RNF213: variants seen among roughly 807,000 people sequenced by gnomAD.
RNF213 encodes the protein E3 ubiquitin-protein ligase RNF213.
RNF213 carries 341 observed loss-of-function variants against 514.4 expected under a neutral mutation model. The observed-to-expected ratio is 0.66, with a 90% CI of 0.61 to 0.73. The LOEUF (loss-of-function observed/expected upper bound fraction) is 0.73, where lower values mean the gene tolerates loss of function less well. Among genes scored for constraint, RNF213 ranks in the 30% least tolerant of loss-of-function variants. The pLI, the probability that RNF213 is intolerant of heterozygous loss-of-function variation, is 0.00. For missense variants in RNF213, 5,767 were observed against 6,615.6 expected, an observed-to-expected ratio of 0.87 and a Z score of 4.45; for synonymous variants, 2,655 against 2,658.2, an observed-to-expected ratio of 1.00 and a Z score of 0.04.
Position 80,346,545 on chromosome 17 carries a change from C to T in RNF213, c.8210C>T (p.Pro2737Leu), listed in dbSNP as rs1473027345. 6.2e-7 allele frequency: 1 copy of T among 1,613,434 alleles called. No individual in the cohort carries two copies. Among genetic ancestry groups the T allele is most frequent in the Non-Finnish European group, 8.5e-7 (1 of 1,180,046 alleles). The change falls in exon 29 of 68, where the codon CCT (proline) becomes CTT (leucine). Residue 2737 changes from proline (P) to leucine (L), a missense_variant. Physicochemically the swap from Pro to Leu is moderately conservative, Grantham distance 98. This residue lies in a region of RNF213 where 1,377 missense variants were observed against 1,635.2 expected (regional missense o/e 0.84). Coordinates refer to ENST00000582970, the MANE Select transcript of RNF213 (RefSeq NM_001256071.3). The surrounding 1 kb of genome is among the most constrained non-coding windows in gnomAD (Gnocchi z 8.1). ...RAQDLFLDGVPLRKTIAKNLA... is the reference protein window; with the variant it reads ...RAQDLFLDGVLLRKTIAKNLA... ...CAGGATCTTTTTCTGGACGGCGTACCTCTGAGGAAAACCATCGCCAAGAAC... is the reference window on the plus strand; with the variant it reads ...CAGGATCTTTTTCTGGACGGCGTACTTCTGAGGAAAACCATCGCCAAGAAC...
In RNF213 at chr17:80,351,561, G is replaced by A. The variant is rs754282946; in HGVS notation, c.10185-124G>A. The A allele has an allele frequency of 3.8e-4, 244 of 649,400 alleles. 1 individual carries two copies. Among genetic ancestry groups the A allele is most frequent in the Middle Eastern group, 4.1e-4 (1 of 2,442 alleles). The allele number at this position is 649,400 out of a possible 1,614,324, so 40.2% of individuals were successfully genotyped here. A position where few individuals can be genotyped will look rare whatever the true frequency, so the allele number is the denominator to read the frequency against. On this transcript the variant is annotated intron_variant, in intron 31 of 67. Transcript: ENST00000582970. ...AAAACTCATCGGAACGGGTGGCCGT[G>A]AGACCGAACCAACAGCTCGGAGAAC...
rs752778643 is a variant in RNF213, at chr17:80,390,035, A to G, written c.15309A>G (p.Ser5103=). The change falls in exon 67 of 68, where the codon TCA becomes TCG. Residue 5103 remains serine (S), a synonymous_variant. Coordinates refer to ENST00000582970, the MANE Select transcript of RNF213 (RefSeq NM_001256071.3). ...LHKEPFGEIS[S]RYKADLSPEN... is the part of the protein sequence containing the mutation. ...AGGAGCCATTTGGGGAAATCAGTTC[A>G]AGGTACAAAGCGGATCTGAGCCCGG... 10 of 1,614,214 alleles carry G rather than the reference A, an allele frequency of 6.2e-6. No individual in the cohort carries two copies. Among genetic ancestry groups the G allele is most frequent in the Middle Eastern group, 1.6e-4 (1 of 6,062 alleles).
At chr17:80,392,844 C>A (rs756981914) in intron 67 of RNF213, among the ~76,000 whole-genome samples, 1 of 152,276 alleles carries the variant, frequency 6.6e-6, no homozygotes, top group Non-Finnish European at 1.5e-5. Context: ...CCTGCCTCAG[C>A]CTCCCAAAGT....
chr17:80,363,533 C>G, intron 40 of RNF213, 76 bp from the exon 41 acceptor site: 6 of 1,513,112 alleles, frequency 4.0e-6, no homozygotes, highest in Non-Finnish European at 5.5e-6. Flanking sequence ...AGTATACATG[C>G]AGCTAACAGC....
intron 21 of RNF213, 21 bp downstream of exon 21, chr17:80,332,652 T>C (rs1440910097): frequency 1.4e-6 from 2 of 1,465,130 alleles, no homozygotes; most frequent in Admixed American, 2.4e-5. Context: ...TGCTGGGGAC[T>C]GTGGGGGTTT....
In RNF213 at chr17:80,343,408, A is replaced by T; in HGVS notation, c.6183+83A>T. The T allele has an allele frequency of 8.1e-7, 1 of 1,228,586 alleles. No homozygotes were observed. 76.1% of individuals were successfully genotyped at this position (1,228,586 alleles called of 1,614,324 possible). On this transcript the variant is annotated intron_variant, in intron 27 of 67. Transcript: ENST00000582970. The surrounding 1 kb of genome is among the most constrained non-coding windows in gnomAD (Gnocchi z 4.3). ...CTCTGCGTGACTCCTCCCCGTGTAT[A>T]GAATTCCTTGTTTCCACACGCACAG... is the stretch of plus-strand genomic sequence containing the variant.
rs1404926587 is a variant in RNF213, at chr17:80,288,303, C to A, written c.750C>A (p.Ser250Arg). 6.2e-7 allele frequency: 1 copy of A among 1,613,124 alleles called. No individual in the cohort carries two copies. Among genetic ancestry groups the A allele is most frequent in the Admixed American group, 1.7e-5 (1 of 60,026 alleles). The change falls in exon 4 of 68, where the codon AGC (serine) becomes AGA (arginine). Residue 250 changes from serine to arginine, a missense_variant. Ser to Arg is a moderately radical substitution (Grantham distance 110). Transcript: ENST00000582970. The surrounding 1 kb of genome is among the most constrained non-coding windows in gnomAD (Gnocchi z 4.9). ...ELLLPESKGG[S>R]SEPGTELQTT... ...TGTTGCCTGAGTCAAAAGGAGGCAG[C>A]TCTGAGCCCGGGACAGAACTGCAGA...
intron 49 of RNF213, 129 bp from the exon 50 acceptor site, chr17:80,374,329 G>C (rs761705373): frequency 5.2e-5 from 64 of 1,232,806 alleles, no homozygotes; most frequent in Non-Finnish European, 7.4e-5. Flanking sequence ...CTCAGGCCAG[G>C]TCAGGGAATC....
chr17:80,271,504 G>T (rs972123928), intron 2 of RNF213, among the ~76,000 whole-genome samples: 1 of 152,182 alleles, frequency 6.6e-6, no homozygotes, highest in Non-Finnish European at 1.5e-5. Context: ...CTTGGAGAAG[G>T]GTCTGTGGGG....
intron 16 of RNF213, 73 bp from the exon 17 acceptor site, chr17:80,319,117 G>C: frequency 6.2e-7 from 1 of 1,613,070 alleles, no homozygotes; most frequent in African/African-American, 1.3e-5. Flanking sequence ...AATGATGAAA[G>C]AATTTTCATC....
intron 3 of RNF213, among the ~76,000 whole-genome samples, chr17:80,274,927 G>GGT: frequency 1.7e-5 from 1 of 59,362 alleles, no homozygotes; most frequent in Non-Finnish European, 3.9e-5. Context: ...GTGTGAGTGG[G>GGT]GTGTGTGTGT....
In RNF213 at chr17:80,332,302, G is replaced by C. The variant is rs9913636; in HGVS notation, c.3814G>C (p.Glu1272Gln). 691,080 of 1,537,004 alleles carry C rather than the reference G, an allele frequency of 0.45. 159,420 individuals carry two copies. The highest frequency in any genetic ancestry group is 0.47 in the Non-Finnish European group (538,373 of 1,146,832). The part of the protein sequence containing the change: ...EESERHILEL[E>Q]EVYDYLYQPS... Reference sequence around the variant, plus strand: ...ATCAGAAAGGCACATCCTTGAGCTTGAAGAGGTGTATGACTATTTGTATCA... The same window carrying C: ...ATCAGAAAGGCACATCCTTGAGCTTCAAGAGGTGTATGACTATTTGTATCA... Residue 1272 changes from glutamate (E) to glutamine (Q), a missense_variant, in exon 21 of 68, where the codon GAA becomes CAA. Coordinates refer to ENST00000582970, the MANE Select transcript of RNF213 (RefSeq NM_001256071.3).
In RNF213 at chr17:80,372,680, C is replaced by T. The variant is rs777337727; in HGVS notation, c.12697C>T (p.Arg4233Cys). 8 of 1,614,024 alleles carry T rather than the reference C, an allele frequency of 5.0e-6. No individual in the cohort carries two copies. The highest frequency in any genetic ancestry group is 6.8e-6 in the Non-Finnish European group (8 of 1,180,034). ...ATACCTGCAAGAGGTGGCCCGGATC[C>T]GCCTCTGCCTCGACAGAGCTGCAGA... is the stretch of plus-strand genomic sequence containing the variant. Reference protein sequence around the residue: ...VEYLQEVARIRLCLDRAADFL... With the variant: ...VEYLQEVARICLCLDRAADFL... Residue 4233 changes from arginine to cysteine, a missense_variant, in exon 48 of 68, where the codon CGC (arginine) becomes TGC (cysteine). Around this residue, in one of 13 missense-constraint regions of RNF213, gnomAD observed 1,245 missense variants for 1,339.0 expected, o/e 0.93. Transcript: ENST00000582970.
intron 60 of RNF213, 78 bp downstream of exon 60, chr17:80,385,249 TG>T: frequency 6.3e-7 from 1 of 1,576,346 alleles, no homozygotes. Context: ...GGGAACAGGG[TG>T]GGGCGGAGGG....
intron 3 of RNF213, among the ~76,000 whole-genome samples, chr17:80,275,533 C>T (rs937481284): frequency 3.3e-5 from 5 of 152,010 alleles, no homozygotes; most frequent in East Asian, 1.9e-4. Flanking sequence ...CACAAATGCT[C>T]GAGCAGGACG....
chr17:80,323,436 G>T (rs983607461), intron 17 of RNF213, among the ~76,000 whole-genome samples: 1 of 152,152 alleles, frequency 6.6e-6, no homozygotes, highest in African/African-American at 2.4e-5. Flanking sequence ...GAAGTCAGCT[G>T]GGATTCTGGT....
rs928436062 is a variant in RNF213, at chr17:80,353,853, G to A, written c.10579-166G>A. On this transcript the variant is annotated intron_variant, in intron 34 of 67. Coordinates refer to ENST00000582970, the MANE Select transcript of RNF213 (RefSeq NM_001256071.3). This position sits in a 1 kb window ranked among gnomAD's most constrained non-coding sequence, Gnocchi z 5.0. ...ACTGGGGGTCAAGGGCATCTGCACC[G>A]GCAGTTTGGGGGGTGCAGGGCGGAG... 70 of 1,174,730 alleles carry A rather than the reference G, an allele frequency of 6.0e-5. No homozygotes were observed. The Middle Eastern group carries it at 1.1e-3, about 19-fold the overall frequency. The allele number at this position is 1,174,730 out of a possible 1,614,324, so 72.8% of individuals were successfully genotyped here. A position where few individuals can be genotyped will look rare whatever the true frequency, so the allele number is the denominator to read the frequency against.
chr17:80,363,757 G>A lies in RNF213; in HGVS notation c.11717G>A (p.Gly3906Glu), dbSNP rs369088075. ...ICSDEHMQGS[G>E]SLAQAVIREV... ...TCCGATGAGCACATGCAAGGCAGCG[G>A]GAGCCTGGCCCAGGCTGTCATCAGG... Residue 3906 changes from glycine to glutamate, a missense_variant, in exon 41 of 68, where the codon GGG becomes GAG. Gly to Glu is a moderately conservative substitution (Grantham distance 98). Around this residue, in one of 13 missense-constraint regions of RNF213, gnomAD observed 355 missense variants for 358.0 expected, o/e 0.99. Transcript: ENST00000582970. 28 of 1,613,546 alleles carry A rather than the reference G, an allele frequency of 1.7e-5. No homozygotes were observed. Among genetic ancestry groups the A allele is most frequent in the Non-Finnish European group, 2.4e-5 (28 of 1,180,006 alleles).
Position 80,380,937 on chromosome 17 carries a change from C to A in RNF213, c.13747C>A (p.Arg4583=). Residue 4583 remains arginine, a synonymous_variant, in exon 56 of 68, where the codon CGG becomes AGG. Coordinates refer to ENST00000582970, the MANE Select transcript of RNF213 (RefSeq NM_001256071.3). ...GCCCCCAGTGGTCTTCCTCCTTATC[C>A]GGCTACTCACTCACTTGGCTCTGCT... ...GLPPVVFLLI[R]LLTHLALLLG... is the part of the protein sequence containing the mutation. 2.5e-6 allele frequency: 4 copies of A among 1,614,190 alleles called. No homozygotes were observed. In the South Asian group the frequency reaches 4.4e-5, roughly 18 times the overall value.
Sources: gnomAD v4.1 joint callset for allele counts (sites outside exome capture counted in the v4.1 genomes callset) on GRCh38, gnomAD v4.1.1 for gene constraint, gnomAD v4.1.1 regional missense constraint, Gnocchi (gnomAD v3.1) non-coding constraint, MANE v1.5 for transcripts, NCBI Gene and HGNC (gene_info 2026-07-23, HGNC 2026-07-21) for gene names.